The following MMAA variants were observed in gnomAD, a reference collection of about 807,000 sequenced individuals.
MMAA encodes methylmalonic aciduria type A protein, mitochondrial.
Under a neutral mutation model 45.0 loss-of-function variants are expected in MMAA, and 41 were observed. The observed-to-expected ratio is 0.91, with a 90% CI of 0.71 to 1.18. MMAA has a LOEUF of 1.18. MMAA is among the 50% of genes most tolerant of loss of function. The pLI is 0.00. For missense variants in MMAA, 460 were observed against 495.7 expected, an observed-to-expected ratio of 0.93 and a Z score of 0.68; for synonymous variants, 154 against 178.2, an observed-to-expected ratio of 0.86 and a Z score of 1.08.
At chr4:145,636,689 T>G (rs2126615226) in intron 1 of MMAA, among the ~76,000 whole-genome samples, 1 of 152,348 alleles carries the variant, frequency 6.6e-6, no homozygotes, top group Non-Finnish European at 1.5e-5. Context: ...TCAGACTCGG[T>G]CTTGACTTCA....
chr4:145,628,016 C>T (rs1158464011), intron 1 of MMAA, among the ~76,000 whole-genome samples: 4 of 152,060 alleles, frequency 2.6e-5, no homozygotes, highest in South Asian at 2.1e-4. Context: ...TAGAAACTGA[C>T]GTATAAATGC....
chr4:145,650,910 A>G, intron 4 of MMAA, 152 bp from the exon 5 acceptor site: 1 of 721,616 alleles, frequency 1.4e-6, no homozygotes, highest in Non-Finnish European at 2.5e-6. Flanking sequence ...CATTTAATAC[A>G]TTCTTCAGAA....
intron 5 of MMAA, 24 bp downstream of exon 5, chr4:145,651,171 CA>C (rs1267342896): frequency 8.8e-6 from 14 of 1,582,630 alleles, no homozygotes; most frequent in Admixed American, 1.7e-5. Context: ...TTTTTTCCCC[CA>C]AAAATATAAA....
In MMAA at chr4:145,628,713, G is replaced by A. The variant is rs1046337606; in HGVS notation, c.-66+9306G>A. ...ACATAACATATTCATAGGATCCAGGGATTCGGACGTGGACATGTTTGGGGA... is the reference window on the plus strand; with the variant it reads ...ACATAACATATTCATAGGATCCAGGAATTCGGACGTGGACATGTTTGGGGA... On this transcript the variant is annotated intron_variant, in intron 1 of 6. Transcript: ENST00000649156. Among the ~76,000 whole-genome samples the A allele has an allele frequency of 3.3e-5, 5 of 152,136 alleles. No homozygotes were observed. In the East Asian group the frequency reaches 7.7e-4, roughly 23 times the overall value.
chr4:145,628,589 A>G (rs1372353224), intron 1 of MMAA, among the ~76,000 whole-genome samples: 1 of 152,196 alleles, frequency 6.6e-6, no homozygotes, highest in Non-Finnish European at 1.5e-5. Context: ...TGGTGATTAC[A>G]TTGGGTCCAC....
rs1727915735 is a variant in MMAA, at chr4:145,645,871, G to A, written c.563-115G>A. ...GAGTTGGAGAGAAGCTCAGTAATAT[G>A]AAATGCAGTTTGAGATTTAGGGAGA... is the stretch of plus-strand genomic sequence containing the variant. On this transcript the variant is annotated intron_variant, in intron 3 of 6. Transcript: ENST00000649156. 3 of 910,140 alleles carry A rather than the reference G, an allele frequency of 3.3e-6. No homozygotes were observed. In the Admixed American group the frequency reaches 6.0e-5, roughly 18 times the overall value. The allele number at this position is 910,140 out of a possible 1,614,324, so 56.4% of individuals were successfully genotyped here.
In MMAA at chr4:145,658,452, A is replaced by C. The variant is rs1490877736; in HGVS notation, c.*3018A>C. 1 of 152,168 alleles carries C rather than the reference A, an allele frequency of 6.6e-6. No homozygotes were observed. The highest frequency in any genetic ancestry group is 1.9e-4 in the East Asian group (1 of 5,200). 9.4% of individuals were successfully genotyped at this position (152,168 alleles called of 1,614,324 possible). A position where few individuals can be genotyped will look rare whatever the true frequency, so the allele number is the denominator to read the frequency against. On this transcript the variant is annotated 3_prime_UTR_variant, in exon 7 of 7. Coordinates refer to ENST00000649156, the MANE Select transcript of MMAA (RefSeq NM_172250.3). ...CTGTAGATAGGAAAAAAATGTGCTGAGCTCCAAAACTGACAGACATTTTGC... is the reference window on the plus strand; with the variant it reads ...CTGTAGATAGGAAAAAAATGTGCTGCGCTCCAAAACTGACAGACATTTTGC...
At chr4:145,654,425 T>A (rs1728173051) in intron 6 of MMAA, among the ~76,000 whole-genome samples, 1 of 152,216 alleles carries the variant, frequency 6.6e-6, no homozygotes, top group Admixed American at 6.5e-5. Flanking sequence ...ACCATCCTTA[T>A]TAAGATTATG....
chr4:145,654,177 G>A (rs1284763126), intron 6 of MMAA, 34 bp downstream of exon 6: 1 of 1,613,118 alleles, frequency 6.2e-7, no homozygotes, highest in East Asian at 2.2e-5. Flanking sequence ...CTTTCACTCT[G>A]AATGGATTGT....
chr4:145,639,698 T>A (rs1405386670), intron 2 of MMAA, 120 bp downstream of exon 2: 3 of 1,444,802 alleles, frequency 2.1e-6, no homozygotes, highest in Non-Finnish European at 2.7e-6. Flanking sequence ...AATATTTGGA[T>A]GAATTTTAAA....
chr4:145,625,516 T>C, intron 1 of MMAA: 1 of 737,596 alleles, frequency 1.4e-6, no homozygotes. Context: ...GGCCCAATAT[T>C]TGATGAACTA....
intron 3 of MMAA, among the ~76,000 whole-genome samples, chr4:145,643,711 T>C (rs1039113240): frequency 9.9e-5 from 15 of 152,160 alleles, no homozygotes; most frequent in African/African-American, 3.4e-4. Flanking sequence ...CTTTAGAACT[T>C]TGTTAAAAGT....
rs538056724 is a variant in MMAA, at chr4:145,650,897, T to C, written c.734-165T>C. The C allele has an allele frequency of 1.8e-4, 121 of 689,246 alleles. No homozygotes were observed. The South Asian group carries it at 1.9e-3, about 11-fold the overall frequency. 42.7% of individuals were successfully genotyped at this position (689,246 alleles called of 1,614,324 possible). On this transcript the variant is annotated intron_variant, in intron 4 of 6. Coordinates refer to ENST00000649156, the MANE Select transcript of MMAA (RefSeq NM_172250.3). ...ACGGGTTTGCTTAGAGGGTAAGATA[T>C]GACATTTAATACATTCTTCAGAAGT...
At chr4:145,625,164 C>G in intron 1 of MMAA, 1 of 1,417,168 alleles carries the variant, frequency 7.1e-7, no homozygotes, top group Non-Finnish European at 9.9e-7. Context: ...TCAACCTTTT[C>G]CATTTCAATG....
intron 1 of MMAA, among the ~76,000 whole-genome samples, chr4:145,636,964 G>A (rs1727632741): frequency 6.6e-6 from 1 of 152,220 alleles, no homozygotes; most frequent in Admixed American, 6.5e-5. Flanking sequence ...AAGAGTCTTT[G>A]CAATGTAATT....
At chr4:145,650,546 C>T (rs745809816) in intron 4 of MMAA, 32 of 162,902 alleles carry the variant, frequency 2.0e-4, no homozygotes, top group Non-Finnish European at 3.1e-4. Flanking sequence ...ATTGCTTTTG[C>T]CAGGCCGTAA....
At chr4:145,642,818 G>T in intron 3 of MMAA, 1 of 332,194 alleles carries the variant, frequency 3.0e-6, no homozygotes, top group East Asian at 6.9e-5. Flanking sequence ...TTTCCTGGCT[G>T]CATTAGCACC....
chr4:145,623,528 A>C (rs1038885145), intron 1 of MMAA, among the ~76,000 whole-genome samples: 1 of 152,246 alleles, frequency 6.6e-6, no homozygotes, highest in Non-Finnish European at 1.5e-5. Flanking sequence ...GTTTCTTTCA[A>C]GTGAAGAATA....
chr4:145,652,314 G>GC (rs1342725483), intron 5 of MMAA, among the ~76,000 whole-genome samples: 1 of 152,064 alleles, frequency 6.6e-6, no homozygotes, highest in East Asian at 1.9e-4. Flanking sequence ...TTGATCTCTA[G>GC]CCCCTGTCCC....
Sources: allele counts gnomAD v4.1 joint callset (sites outside exome capture counted in the v4.1 genomes callset), GRCh38; gene constraint gnomAD v4.1.1; transcripts MANE v1.5; gene names NCBI Gene and HGNC (gene_info 2026-07-23, HGNC 2026-07-21).